The following CADPS2 variants were observed in gnomAD, a reference collection of about 807,000 sequenced individuals.
The protein encoded by CADPS2 is calcium dependent secretion activator 2, also known as calcium-dependent secretion activator 2.
Under a neutral mutation model 172.5 loss-of-function variants are expected in CADPS2, and 93 were observed. The observed-to-expected ratio is 0.54, with a 90% CI of 0.46 to 0.64. CADPS2 has a LOEUF of 0.64. Ranked by LOEUF, CADPS2 falls within the 30% of genes least tolerant of loss-of-function variation. CADPS2 has a pLI of 0.00. For synonymous variants in CADPS2, 546 were observed against 555.2 expected (o/e 0.98, Z 0.23); for missense variants, 1,420 against 1,565.9 (o/e 0.91, Z 1.57).
chr7:122,710,411 G>A (rs533756860), intron 2 of CADPS2, among the ~76,000 whole-genome samples: 46 of 152,182 alleles, frequency 3.0e-4, no homozygotes, highest in Non-Finnish European at 5.6e-4. Context: ...GCACCAGGCC[G>A]TGTGACAGAT....
chr7:122,422,489 A>T (rs1440312442), intron 17 of CADPS2, among the ~76,000 whole-genome samples: 1 of 152,128 alleles, frequency 6.6e-6, no homozygotes, highest in Non-Finnish European at 1.5e-5. Flanking sequence ...ATAGTGATTG[A>T]TCCCCTAGCT....
intron 17 of CADPS2, among the ~76,000 whole-genome samples, chr7:122,432,779 G>A (rs2050129482): frequency 6.6e-6 from 1 of 151,708 alleles, no homozygotes; most frequent in South Asian, 2.1e-4. Context: ...GAAAATTATT[G>A]GAATGCTCAA....
At chr7:122,799,603 C>CAAAAAAAAAAA (rs58187843) in intron 1 of CADPS2, among the ~76,000 whole-genome samples, 1 of 48,282 alleles carries the variant, frequency 2.1e-5, no homozygotes, top group Admixed American at 2.3e-4. Flanking sequence ...GATTCCATCT[C>CAAAAAAAAAAA]AAAAAAAAAA....
intron 11 of CADPS2, among the ~76,000 whole-genome samples, chr7:122,488,155 GA>G (rs952972723): frequency 2.0e-5 from 3 of 151,978 alleles, no homozygotes; most frequent in Non-Finnish European, 4.4e-5. Context: ...AACTCGGAGG[GA>G]AAAAAATAGA....
rs778452167 is a variant in CADPS2 at position 122,645,528 on chromosome 7, GTA to G, written c.787-16202_787-16201del. Among the ~76,000 whole-genome samples, 453 of 109,552 alleles carry G rather than the reference GTA, an allele frequency of 4.1e-3. 7 individuals carry two copies. Among genetic ancestry groups the G allele is most frequent in the African/African-American group, 0.011 (299 of 27,334 alleles). The allele number at this position is 109,552 out of a possible 152,430, so 71.9% of individuals were successfully genotyped here. On this transcript the variant is annotated intron_variant, in intron 3 of 29. Coordinates refer to ENST00000449022, the MANE Select transcript of CADPS2 (RefSeq NM_017954.11). ...TATATATATACTTATATATATATAA[GTA>G]TATATATATACTTATATATATACTT...
chr7:122,615,068 TAGC>T (rs953296454), intron 6 of CADPS2, 110 bp downstream of exon 6: 3 of 512,650 alleles, frequency 5.9e-6, no homozygotes, highest in African/African-American at 3.9e-5. Context: ...GTTAGCCAAA[TAGC>T]AGTTTTAGAG....
Position 122,393,720 on chromosome 7 carries a change from C to T in CADPS2, c.2747-138G>A, listed in dbSNP as rs1231681801. The T allele has an allele frequency of 3.8e-5, 31 of 806,272 alleles. No individual in the cohort carries two copies. The East Asian group carries it at 8.3e-4, about 21-fold the overall frequency. 49.9% of individuals were successfully genotyped at this position (806,272 alleles called of 1,614,324 possible). A position where few individuals can be genotyped will look rare whatever the true frequency, so the allele number is the denominator to read the frequency against. On this transcript the variant is annotated intron_variant, in intron 20 of 29. Coordinates refer to ENST00000449022, the MANE Select transcript of CADPS2 (RefSeq NM_017954.11). The stretch of plus-strand genomic sequence containing the variant: ...AAATGCAGATGAGAGTAGATCATAC[C>T]CCCCATATTGAATATCATATCATGG...
intron 6 of CADPS2, among the ~76,000 whole-genome samples, chr7:122,586,023 G>A (rs188126064): frequency 6.6e-6 from 1 of 152,012 alleles, no homozygotes; most frequent in East Asian, 1.9e-4. Flanking sequence ...ACTTAAGCAA[G>A]ATAAATATAA....
rs192125039 is a variant in CADPS2 at position 122,768,070 on chromosome 7, T to C, written c.340-31002A>G. On this transcript the variant is annotated intron_variant, in intron 1 of 29. Coordinates refer to ENST00000449022, the MANE Select transcript of CADPS2 (RefSeq NM_017954.11). ...CTGCAGCCAGTTGTCAATCACAAAA[T>C]AACAAAGTAAAATGTGGTGATGAAA... Among the ~76,000 whole-genome samples the C allele has an allele frequency of 2.0e-4, 30 of 152,252 alleles. No individual in the cohort carries two copies. In the East Asian group the frequency reaches 5.6e-3, roughly 28 times the overall value.
At chr7:122,835,831 T>C (rs925578546) in intron 1 of CADPS2, among the ~76,000 whole-genome samples, 1 of 152,086 alleles carries the variant, frequency 6.6e-6, no homozygotes, top group Non-Finnish European at 1.5e-5. Flanking sequence ...ACGGGGAGAA[T>C]GGAACCAAGT....
intron 16 of CADPS2, among the ~76,000 whole-genome samples, chr7:122,438,719 T>C (rs2050974055): frequency 6.6e-6 from 1 of 152,006 alleles, no homozygotes; most frequent in East Asian, 1.9e-4. Context: ...AAACCTCCCC[T>C]AGACCAGGTC....
chr7:122,561,860 A>G (rs1253060445), intron 7 of CADPS2, among the ~76,000 whole-genome samples: 6 of 152,160 alleles, frequency 3.9e-5, no homozygotes, highest in Non-Finnish European at 8.8e-5. Flanking sequence ...TTCACAGTCT[A>G]TTGTAAACAC....
chr7:122,669,079 C>T (rs929318797), intron 2 of CADPS2, among the ~76,000 whole-genome samples: 1 of 152,020 alleles, frequency 6.6e-6, no homozygotes, highest in African/African-American at 2.4e-5. Context: ...GCCTGTAATC[C>T]CAGCACTTTG....
intron 28 of CADPS2, among the ~76,000 whole-genome samples, chr7:122,342,203 T>C (rs74933660): frequency 0.063 from 9,625 of 152,248 alleles, 389 homozygotes; most frequent in Middle Eastern, 0.1. Context: ...ATGGGAATGA[T>C]AGCAGCAGTG....
At chr7:122,340,405 C>T (rs1260098250) in intron 28 of CADPS2, among the ~76,000 whole-genome samples, 2 of 152,024 alleles carry the variant, frequency 1.3e-5, no homozygotes, top group Non-Finnish European at 2.9e-5. Flanking sequence ...TGGGCAGTGC[C>T]CAATAAATGC....
intron 3 of CADPS2, among the ~76,000 whole-genome samples, chr7:122,656,756 A>G (rs1051371456): frequency 6.6e-6 from 1 of 152,118 alleles, no homozygotes; most frequent in Non-Finnish European, 1.5e-5. Context: ...GACAAAAACA[A>G]GGATACTGGA....
intron 9 of CADPS2, among the ~76,000 whole-genome samples, chr7:122,503,036 T>C (rs2059337241): frequency 6.7e-6 from 1 of 150,238 alleles, no homozygotes; most frequent in South Asian, 2.1e-4. Context: ...AAAACTTTTT[T>C]TTTTTTTTTT....
chr7:122,827,060 A>C (rs1426894789), intron 1 of CADPS2, among the ~76,000 whole-genome samples: 1 of 152,174 alleles, frequency 6.6e-6, no homozygotes, highest in Non-Finnish European at 1.5e-5. Flanking sequence ...AATAATAAGA[A>C]GACACAAAAC....
At chr7:122,396,715 A>G (rs12111859) in intron 20 of CADPS2, among the ~76,000 whole-genome samples, 4,386 of 152,216 alleles carry the variant, frequency 0.029, 225 homozygotes, top group African/African-American at 0.1. Context: ...CCCCTTGCCC[A>G]ATTACTGGCT....
Sources: gnomAD v4.1 joint callset for allele counts (sites outside exome capture counted in the v4.1 genomes callset) on GRCh38, gnomAD v4.1.1 for gene constraint, MANE v1.5 for transcripts, NCBI Gene and HGNC (gene_info 2026-07-23, HGNC 2026-07-21) for gene names.